The following MCCC1 variants were observed in gnomAD, a reference collection of about 807,000 sequenced individuals.
The protein encoded by MCCC1 is methylcrotonyl-CoA carboxylase subunit 1, also known as methylcrotonoyl-CoA carboxylase subunit alpha, mitochondrial.
A neutral mutation model predicts 83.8 loss-of-function variants in MCCC1; 64 were observed. The observed-to-expected ratio is 0.76, with a 90% CI of 0.62 to 0.94. The LOEUF (loss-of-function observed/expected upper bound fraction) is 0.94, where lower values mean the gene tolerates loss of function less well. MCCC1 is among the 40% of genes least tolerant of loss of function. MCCC1 has a pLI of 0.00. For missense variants in MCCC1, 807 were observed against 904.7 expected (o/e 0.89, Z 1.39); for synonymous variants, 322 against 315.4 (o/e 1.02, Z -0.22).
At chr3:183,074,911 C>A (rs73053920) in intron 4 of MCCC1, among the ~76,000 whole-genome samples, 2,172 of 152,224 alleles carry the variant, frequency 0.014, 51 homozygotes, top group African/African-American at 0.05. Context: ...TTGTTTCCTT[C>A]TTTGTGTTCT....
At chr3:183,047,847 A>G (rs1043263999) in intron 9 of MCCC1, among the ~76,000 whole-genome samples, 1 of 152,226 alleles carries the variant, frequency 6.6e-6, no homozygotes, top group African/African-American at 2.4e-5. Flanking sequence ...AGACAACTAC[A>G]AAAGGTATTA....
At chr3:183,017,645 G>A in intron 17 of MCCC1, 7 of 381,216 alleles carry the variant, frequency 1.8e-5, no homozygotes, top group South Asian at 1.8e-4. Context: ...GAGACCTACA[G>A]CCCAAATGCA....
At chr3:183,032,628 A>G (rs1315172680) in intron 14 of MCCC1, among the ~76,000 whole-genome samples, 1 of 152,218 alleles carries the variant, frequency 6.6e-6, no homozygotes, top group Middle Eastern at 3.2e-3. Flanking sequence ...TAATCCCAGC[A>G]CTTTGGGAGG....
rs1714108929 is a variant in MCCC1, at chr3:183,041,763, T to C, written c.1084-13A>G. ...CTCCTGCTGCAATCTGGCAATAGAA[T>C]AGTGTTTCTTATGAAATCTACCGTA... On this transcript the variant is annotated splice_polypyrimidine_tract_variant and intron_variant, in intron 10 of 18. Coordinates refer to ENST00000265594, the MANE Select transcript of MCCC1 (RefSeq NM_020166.5). 6.2e-7 allele frequency: 1 copy of C among 1,614,140 alleles called. No homozygotes were observed. The highest frequency in any genetic ancestry group is 8.5e-7 in the Non-Finnish European group (1 of 1,179,974).
At chr3:183,017,458 A>G in intron 17 of MCCC1, 121 bp from the exon 18 acceptor site, 3 of 878,724 alleles carry the variant, frequency 3.4e-6, no homozygotes, top group Non-Finnish European at 5.6e-6. Flanking sequence ...GTTGCAAACC[A>G]TGAATATAAA....
chr3:183,016,350 C>G, intron 18 of MCCC1: 1 of 152,532 alleles, frequency 6.6e-6, no homozygotes, highest in Non-Finnish European at 1.5e-5. Context: ...CCTGCCTCAG[C>G]CTCCTGAGTA....
chr3:183,106,156 T>C (rs1281250775), intron 1 of MCCC1, among the ~76,000 whole-genome samples: 1 of 149,144 alleles, frequency 6.7e-6, no homozygotes, highest in Non-Finnish European at 1.5e-5. Flanking sequence ...AAAATACTTC[T>C]GCAAGAACAT....
chr3:183,099,657 C>A (rs1719023310), upstream of MCCC1: 1 of 623,392 alleles, frequency 1.6e-6, no homozygotes, highest in African/African-American at 1.8e-5. Flanking sequence ...GGCAGTCTGG[C>A]CACGTGCTCG....
chr3:183,043,786 C>A (rs1714307343), intron 10 of MCCC1, among the ~76,000 whole-genome samples: 2 of 152,208 alleles, frequency 1.3e-5, no homozygotes, highest in Non-Finnish European at 2.9e-5. Context: ...TTCCTTAATA[C>A]CCAAAAGCTT....
chr3:183,069,177 A>G (rs971967539), intron 7 of MCCC1, among the ~76,000 whole-genome samples: 1 of 152,226 alleles, frequency 6.6e-6, no homozygotes, highest in African/African-American at 2.4e-5. Context: ...CAATATATAC[A>G]AAAAATAAAA....
intron 10 of MCCC1, among the ~76,000 whole-genome samples, chr3:183,044,389 G>C (rs1316556562): frequency 6.6e-6 from 1 of 152,190 alleles, no homozygotes; most frequent in Non-Finnish European, 1.5e-5. Flanking sequence ...TAAAAGAACA[G>C]TTATAAACTT....
intron 4 of MCCC1, among the ~76,000 whole-genome samples, chr3:183,084,513 T>C (rs535690479): frequency 1.3e-5 from 2 of 152,340 alleles, no homozygotes; most frequent in South Asian, 2.1e-4. Context: ...AAAAGCTTCA[T>C]AAACAAGCAT....
intron 7 of MCCC1, among the ~76,000 whole-genome samples, chr3:183,066,940 T>C (rs558174781): frequency 6.6e-6 from 1 of 152,294 alleles, no homozygotes; most frequent in African/African-American, 2.4e-5. Flanking sequence ...CATATTTGTT[T>C]CTCTCTATCT....
Position 183,090,552 on chromosome 3 carries a change from A to G in MCCC1, c.273+1857T>C, listed in dbSNP as rs549256019. The stretch of plus-strand genomic sequence containing the variant: ...ACTTACCTAATATTTTTTCATGGTA[A>G]GACATTTAAAATTTACTCTCTTATT... On this transcript the variant is annotated intron_variant, in intron 3 of 18. Transcript: ENST00000265594. Among the ~76,000 whole-genome samples the G allele has an allele frequency of 2.1e-4, 32 of 152,276 alleles. No individual in the cohort carries two copies. In the South Asian group the frequency reaches 6.6e-3, roughly 32 times the overall value.
At chr3:183,045,687 C>T (rs1714503587) in intron 9 of MCCC1, 147 bp from the exon 10 acceptor site, 11 of 856,256 alleles carry the variant, frequency 1.3e-5, no homozygotes, top group Middle Eastern at 3.0e-4. Context: ...CTCGCATTTG[C>T]AGCAGCATAT....
At chr3:183,041,868 C>A in intron 10 of MCCC1, 118 bp from the exon 11 acceptor site, 1 of 1,109,238 alleles carries the variant, frequency 9.0e-7, no homozygotes, top group Non-Finnish European at 1.3e-6. Flanking sequence ...GCAATGCAGC[C>A]AAATAAAAAC....
At chr3:183,106,477 T>TC (rs1719404743) in intron 1 of MCCC1, among the ~76,000 whole-genome samples, 2 of 136,004 alleles carry the variant, frequency 1.5e-5, no homozygotes, top group African/African-American at 5.2e-5. Flanking sequence ...AATGTTTCTT[T>TC]GTTCTTTTCT....
At chr3:183,075,192 T>C (rs2108533309) in intron 4 of MCCC1, among the ~76,000 whole-genome samples, 2 of 152,294 alleles carry the variant, frequency 1.3e-5, no homozygotes, top group Middle Eastern at 6.8e-3. Context: ...ACATGTGTCT[T>C]TATGGTAGAA....
At chr3:183,091,536 C>A (rs992497815) in intron 3 of MCCC1, among the ~76,000 whole-genome samples, 5 of 152,202 alleles carry the variant, frequency 3.3e-5, no homozygotes, top group Admixed American at 3.3e-4. Flanking sequence ...CCACTACACT[C>A]CAGCCTGGGC....
Sources: allele counts gnomAD v4.1 joint callset (sites outside exome capture counted in the v4.1 genomes callset), GRCh38; gene constraint gnomAD v4.1.1; transcripts MANE v1.5; gene names NCBI Gene and HGNC (gene_info 2026-07-23, HGNC 2026-07-21).